TLK1: variants seen among roughly 807,000 people sequenced by gnomAD.
TLK1 encodes serine/threonine-protein kinase tousled-like 1.
In TLK1, 24 loss-of-function variants were observed where a neutral mutation model predicts 105.3. The ratio of observed to expected loss-of-function variants is 0.23; its 90% CI spans 0.17 to 0.32. The LOEUF is 0.32. TLK1 is among the 10% of genes least tolerant of loss of function. The pLI is 1.00. For synonymous variants in TLK1, 321 were observed against 310.4 expected, an observed-to-expected ratio of 1.03 and a Z score of -0.36; for missense variants, 558 against 910.5, an observed-to-expected ratio of 0.61 and a Z score of 4.98.
At chr2:171,192,738 G>A (rs1412776569) in intron 1 of TLK1, among the ~76,000 whole-genome samples, 1 of 152,082 alleles carries the variant, frequency 6.6e-6, no homozygotes, top group Non-Finnish European at 1.5e-5. Flanking sequence ...AAATCAGTCT[G>A]AACCACTGGA....
intron 1 of TLK1, among the ~76,000 whole-genome samples, chr2:171,221,210 T>C (rs1558996256): frequency 6.6e-6 from 1 of 152,234 alleles, no homozygotes; most frequent in Non-Finnish European, 1.5e-5. Flanking sequence ...ATATCTGTTA[T>C]CATTACTTAG....
intron 1 of TLK1, among the ~76,000 whole-genome samples, chr2:171,147,113 G>A (rs1285415170): frequency 6.6e-6 from 1 of 152,200 alleles, no homozygotes; most frequent in Non-Finnish European, 1.5e-5. Flanking sequence ...TAAATTAAAT[G>A]TTAGAAATTA....
intron 1 of TLK1, among the ~76,000 whole-genome samples, chr2:171,135,966 G>A (rs1691302588): frequency 6.6e-6 from 1 of 152,148 alleles, no homozygotes; most frequent in African/African-American, 2.4e-5. Context: ...ATGTAAAATG[G>A]TACAGCTAGA....
intron 11 of TLK1, among the ~76,000 whole-genome samples, chr2:171,040,367 T>C (rs1398815010): frequency 1.3e-5 from 2 of 152,184 alleles, no homozygotes; most frequent in Non-Finnish European, 2.9e-5. Context: ...AGGTAACATA[T>C]GTGCCACTGT....
intron 12 of TLK1, among the ~76,000 whole-genome samples, chr2:171,024,560 GC>G (rs1180949508): frequency 6.6e-6 from 1 of 152,140 alleles, no homozygotes; most frequent in Non-Finnish European, 1.5e-5. Flanking sequence ...TGCAAGGAAA[GC>G]CACAAGTGAA....
intron 3 of TLK1, among the ~76,000 whole-genome samples, chr2:171,077,077 G>A (rs1688548657): frequency 6.6e-6 from 1 of 152,088 alleles, no homozygotes; most frequent in Admixed American, 6.6e-5. Flanking sequence ...AGGATGAGTG[G>A]CCCTGGTAAA....
At chr2:171,168,897 A>G (rs1474118278) in intron 1 of TLK1, among the ~76,000 whole-genome samples, 1 of 152,126 alleles carries the variant, frequency 6.6e-6, no homozygotes, top group Non-Finnish European at 1.5e-5. Context: ...CCTGGCCAAC[A>G]TGGTGAAACC....
intron 1 of TLK1, among the ~76,000 whole-genome samples, chr2:171,138,332 T>C (rs949610797): frequency 2.0e-5 from 3 of 152,222 alleles, no homozygotes; most frequent in African/African-American, 7.2e-5. Flanking sequence ...ATTTTGGCTT[T>C]ATAATAGCAA....
At chr2:171,027,026 C>T (rs892120316) in intron 12 of TLK1, among the ~76,000 whole-genome samples, 5 of 152,058 alleles carry the variant, frequency 3.3e-5, no homozygotes, top group Non-Finnish European at 5.9e-5. Context: ...TTGGCATAGA[C>T]AGATATAGCA....
In TLK1 at chr2:171,078,197, T is replaced by C. The variant is rs539419679; in HGVS notation, c.330+4584A>G. 2.0e-5 allele frequency among the ~76,000 whole-genome samples: 3 copies of C among 152,262 alleles called. No individual in the cohort carries two copies. In the East Asian group the frequency reaches 5.8e-4, roughly 29 times the overall value. ...ATCTTAGGCTCCTCCCTTTCCTTCT[T>C]TATGCTAATTCCAAGTCATCAAACC... On this transcript the variant is annotated intron_variant, in intron 3 of 20. Transcript: ENST00000431350.
chr2:171,060,251 A>C (rs1266201018), intron 4 of TLK1, among the ~76,000 whole-genome samples: 1 of 152,212 alleles, frequency 6.6e-6, no homozygotes, highest in Non-Finnish European at 1.5e-5. Context: ...ATATCTTTAC[A>C]ATAAATAAAG....
chr2:171,016,971 T>C (rs1403254225), intron 12 of TLK1, among the ~76,000 whole-genome samples: 6 of 152,196 alleles, frequency 3.9e-5, no homozygotes, highest in Non-Finnish European at 4.4e-5. Flanking sequence ...GTACACTACA[T>C]AGATTCTCTT....
intron 2 of TLK1, among the ~76,000 whole-genome samples, chr2:171,102,624 CACT>C (rs1369242053): frequency 6.6e-6 from 1 of 152,112 alleles, no homozygotes; most frequent in Non-Finnish European, 1.5e-5. Context: ...TTAATAAATT[CACT>C]ACGTTATTTC....
At chr2:171,056,219 T>C (rs1269409203) in intron 6 of TLK1, among the ~76,000 whole-genome samples, 1 of 152,042 alleles carries the variant, frequency 6.6e-6, no homozygotes, top group African/African-American at 2.4e-5. Context: ...AGGCATTCTT[T>C]TAACATAAAC....
intron 1 of TLK1, among the ~76,000 whole-genome samples, chr2:171,169,405 C>T (rs1692682416): frequency 6.6e-6 from 1 of 151,820 alleles, no homozygotes. Flanking sequence ...TATATATATA[C>T]AATATAGTCT....
chr2:171,049,097 G>C (rs1259370702), intron 10 of TLK1, among the ~76,000 whole-genome samples: 1 of 152,174 alleles, frequency 6.6e-6, no homozygotes, highest in Non-Finnish European at 1.5e-5. Context: ...TGGACATAAA[G>C]ATGAGAATGA....
In TLK1 at chr2:170,993,909, A is replaced by G. The variant is rs538906904; in HGVS notation, c.2172T>C (p.Asp724=). ...ATGGGTCATTTGCCAGCTGGTGCAC[A>G]TCAAATCGATCTTCTTTTCGATATG... ...CLAYRKEDRF[D]VHQLANDPYL... is the part of the protein sequence containing the mutation. The change falls in exon 21 of 21, where the codon GAT becomes GAC. Residue 724 remains aspartate, a synonymous_variant. Transcript: ENST00000431350. The G allele has an allele frequency of 6.2e-7, 1 of 1,612,036 alleles. No homozygotes were observed. The highest frequency in any genetic ancestry group is 1.3e-5 in the African/African-American group (1 of 74,980).
At chr2:171,070,619 T>C (rs1688207370) in intron 3 of TLK1, among the ~76,000 whole-genome samples, 1 of 152,240 alleles carries the variant, frequency 6.6e-6, no homozygotes, top group African/African-American at 2.4e-5. Flanking sequence ...TTCTTTCTTA[T>C]GGCTGAATAG....
chr2:171,074,117 C>G (rs1181644048), intron 3 of TLK1, among the ~76,000 whole-genome samples: 1 of 152,124 alleles, frequency 6.6e-6, no homozygotes, highest in Non-Finnish European at 1.5e-5. Context: ...TCTCGAACTC[C>G]TGACCTCAGG....
Sources: gnomAD v4.1 joint callset for allele counts (sites outside exome capture counted in the v4.1 genomes callset) on GRCh38, gnomAD v4.1.1 for gene constraint, MANE v1.5 for transcripts, NCBI Gene and HGNC (gene_info 2026-07-23, HGNC 2026-07-21) for gene names.